PRELP: variants seen among roughly 807,000 people sequenced by gnomAD.
The protein encoded by PRELP is prolargin.
A neutral mutation model predicts 22.8 loss-of-function variants in PRELP; 16 were observed. The ratio of observed to expected loss-of-function variants is 0.70; its 90% confidence interval spans 0.47 to 1.06. PRELP has a LOEUF of 1.06. PRELP is among the 50% of genes least tolerant of loss of function. The pLI, the probability that PRELP is intolerant of heterozygous loss-of-function variation, is 0.00. For synonymous variants in PRELP, 233 were observed against 211.4 expected (o/e 1.10, Z -0.89); for missense variants, 434 against 485.2 (o/e 0.89, Z 0.99).
Position 203,483,032 on chromosome 1 carries a change from A to C in PRELP, c.-16-137A>C. The C allele has an allele frequency of 1.4e-6, 1 of 716,514 alleles. No individual in the cohort carries two copies. Among genetic ancestry groups the C allele is most frequent in the Non-Finnish European group, 2.3e-6 (1 of 427,538 alleles). 44.4% of individuals were successfully genotyped at this position (716,514 alleles called of 1,614,324 possible). ...CTTACCTGCTGGGTACAGGCAAACAAGGAGATGCTTCCACAGCTCCCTGAG... is the reference window on the plus strand; with the variant it reads ...CTTACCTGCTGGGTACAGGCAAACACGGAGATGCTTCCACAGCTCCCTGAG... On this transcript the variant is annotated intron_variant, in intron 1 of 2. Transcript: ENST00000343110. This position sits in a 1 kb window ranked among gnomAD's most constrained non-coding sequence, Gnocchi z 4.4.
At chr1:203,484,244 G>A in intron 2 of PRELP, 87 bp downstream of exon 2, 2 of 1,516,182 alleles carry the variant, frequency 1.3e-6, no homozygotes, top group South Asian at 1.3e-5. Flanking sequence ...CTCAGGGTGG[G>A]GTGGTATAAA....
chr1:203,482,988 C>T (rs1200542723), intron 1 of PRELP, among the ~76,000 whole-genome samples, 181 bp from the exon 2 acceptor site: 2 of 151,980 alleles, frequency 1.3e-5, no homozygotes, highest in Non-Finnish European at 1.5e-5. Context: ...AATCCAGAGC[C>T]TCAAGCCCTT....
intron 1 of PRELP, among the ~76,000 whole-genome samples, chr1:203,481,001 G>A (rs1660989672): frequency 7.3e-6 from 1 of 137,330 alleles, no homozygotes; most frequent in Non-Finnish European, 1.5e-5. Flanking sequence ...CCCTGGCACT[G>A]AGCCAAGGAA....
Position 203,490,944 on chromosome 1 carries a change from T to A in PRELP, c.*4063T>A, listed in dbSNP as rs1661181525. ...AAAGGGAAAGAAATCCATGAATGGA[T>A]ACCTCTGTGTCCTAAGTGTTTGTAA... On this transcript the variant is annotated 3_prime_UTR_variant, in exon 3 of 3. Transcript: ENST00000343110. The A allele has an allele frequency of 6.6e-6, 1 of 152,274 alleles. No individual in the cohort carries two copies. Among genetic ancestry groups the A allele is most frequent in the Non-Finnish European group, 1.5e-5 (1 of 68,074 alleles). 9.4% of individuals were successfully genotyped at this position (152,274 alleles called of 1,614,324 possible). A position where few individuals can be genotyped will look rare whatever the true frequency, so the allele number is the denominator to read the frequency against.
rs79493291 is a variant in PRELP, at chr1:203,479,137, G to T, written c.-17+3199G>T. Among the ~76,000 whole-genome samples, 129 of 152,236 alleles carry T rather than the reference G, an allele frequency of 8.5e-4. 2 individuals are homozygous for T. The highest frequency in any genetic ancestry group is 1.5e-3 in the Non-Finnish European group (99 of 68,022). On this transcript the variant is annotated intron_variant, in intron 1 of 2. Coordinates refer to ENST00000343110, the MANE Select transcript of PRELP (RefSeq NM_002725.4). ...CTTAGGGGTGACCAATTAGACAGGA[G>T]ATCTGACAAGTAAGAAGAATGCCAG... is the stretch of plus-strand genomic sequence containing the variant.
Sources: allele counts gnomAD v4.1 joint callset (sites outside exome capture counted in the v4.1 genomes callset), GRCh38; gene constraint gnomAD v4.1.1; non-coding constraint Gnocchi (gnomAD v3.1); transcripts MANE v1.5; gene names NCBI Gene and HGNC (gene_info 2026-07-23, HGNC 2026-07-21).